PDE2A: variants seen among roughly 807,000 people sequenced by gnomAD.
The protein encoded by PDE2A is phosphodiesterase 2A.
In PDE2A, 53 loss-of-function variants were observed where a neutral mutation model predicts 133.6. The ratio of observed to expected loss-of-function variants is 0.40; its 90% CI spans 0.32 to 0.50. The LOEUF (loss-of-function observed/expected upper bound fraction) is 0.50, where lower values mean the gene tolerates loss of function less well. PDE2A is among the 20% of genes least tolerant of loss of function. The pLI, the probability that PDE2A is intolerant of heterozygous loss-of-function variation, is 0.73. For synonymous variants in PDE2A, 491 were observed against 490.2 expected (o/e 1.00, Z -0.02); for missense variants, 796 against 1,232.4 (o/e 0.65, Z 5.30).
At position 72,597,012 on chromosome 11, in the gene PDE2A, C is replaced by T. The variant is rs1856520472; in HGVS notation, c.434-364G>A. On this transcript the variant is annotated intron_variant, in intron 5 of 30. Coordinates refer to ENST00000334456, the MANE Select transcript of PDE2A (RefSeq NM_002599.5). This position sits in a 1 kb window ranked among gnomAD's most constrained non-coding sequence, Gnocchi z 4.6. ...ACAGCAAGTCAGGTCTCCTGACTCC[C>T]AGTCTTGTGCACTTTCCACATCGAG... 6.6e-6 allele frequency among the ~76,000 whole-genome samples: 1 copy of T among 152,112 alleles called. No homozygotes were observed. Among genetic ancestry groups the T allele is most frequent in the Admixed American group, 6.5e-5 (1 of 15,268 alleles).
At chr11:72,636,314 T>C (rs1285274501) in intron 2 of PDE2A, among the ~76,000 whole-genome samples, 1 of 152,268 alleles carries the variant, frequency 6.6e-6, no homozygotes, top group Non-Finnish European at 1.5e-5. Flanking sequence ...AGCATTTTCA[T>C]AAATTTACAT....
rs1332382144 is a variant in PDE2A, at chr11:72,663,605, T to C, written c.71+10532A>G. Reference sequence around the variant, plus strand: ...TTAGCCAGGCATGCTGGCAGGTGCCTGTGATCCCAGCTACTTGGGAGGCTG... The same window carrying C: ...TTAGCCAGGCATGCTGGCAGGTGCCCGTGATCCCAGCTACTTGGGAGGCTG... On this transcript the variant is annotated intron_variant, in intron 1 of 30. Transcript: ENST00000334456. Among the ~76,000 whole-genome samples, 5 of 152,066 alleles carry C rather than the reference T, an allele frequency of 3.3e-5. No homozygotes were observed. The East Asian group carries it at 9.7e-4, about 29-fold the overall frequency.
intron 13 of PDE2A, chr11:72,587,667 A>G (rs1337407593): frequency 2.6e-5 from 4 of 152,200 alleles, no homozygotes; most frequent in Non-Finnish European, 5.9e-5. Context: ...TGGCAACATT[A>G]AGTGCTCAAT....
intron 2 of PDE2A, among the ~76,000 whole-genome samples, chr11:72,628,237 C>T (rs1053574501): frequency 1.3e-5 from 2 of 152,226 alleles, no homozygotes; most frequent in Non-Finnish European, 2.9e-5. Context: ...AGGCCTGCGC[C>T]GGGCACCCCA....
Position 72,590,412 on chromosome 11 carries a change from A to G in PDE2A, c.703+15T>C. The G allele has an allele frequency of 6.3e-7, 1 of 1,576,138 alleles. No individual in the cohort carries two copies. The highest frequency in any genetic ancestry group is 8.6e-7 in the Non-Finnish European group (1 of 1,161,810). On this transcript the variant is annotated intron_variant, in intron 8 of 30. Coordinates refer to ENST00000334456, the MANE Select transcript of PDE2A (RefSeq NM_002599.5). This position sits in a 1 kb window ranked among gnomAD's most constrained non-coding sequence, Gnocchi z 4.8. The stretch of plus-strand genomic sequence containing the variant: ...CCGGCCCCGCCCTCGTGACCTGTCC[A>G]GGCCGGGCCCTCACCGCACAGTTGG...
chr11:72,662,269 G>A (rs989467876), intron 1 of PDE2A, among the ~76,000 whole-genome samples: 1 of 152,132 alleles, frequency 6.6e-6, no homozygotes, highest in African/African-American at 2.4e-5. Context: ...AAAATGAGTT[G>A]GCTGCCCAGG....
intron 4 of PDE2A, 23 bp downstream of exon 4, chr11:72,605,115 T>G: frequency 6.6e-7 from 1 of 1,507,164 alleles, no homozygotes; most frequent in Non-Finnish European, 9.2e-7. Flanking sequence ...AAGAGGGCAA[T>G]GGGGGTGCAG....
intron 1 of PDE2A, among the ~76,000 whole-genome samples, chr11:72,651,981 G>C (rs1854754242): frequency 6.6e-6 from 1 of 152,252 alleles, no homozygotes; most frequent in African/African-American, 2.4e-5. Flanking sequence ...TACGATGACA[G>C]AGTGGGGCCT....
rs1051839513 is a variant in PDE2A, at chr11:72,597,125, T to C, written c.433+385A>G. Among the ~76,000 whole-genome samples the C allele has an allele frequency of 1.3e-5, 2 of 151,284 alleles. No homozygotes were observed. The highest frequency in any genetic ancestry group is 6.6e-5 in the Admixed American group (1 of 15,204). On this transcript the variant is annotated intron_variant, in intron 5 of 30. Transcript: ENST00000334456. This position sits in a 1 kb window ranked among gnomAD's most constrained non-coding sequence, Gnocchi z 4.6. ...GCATGGAGGAGAAGAAAAAGAGAAATAGGGCCAATGACAGTGACAGAGAGA... is the reference window on the plus strand; with the variant it reads ...GCATGGAGGAGAAGAAAAAGAGAAACAGGGCCAATGACAGTGACAGAGAGA...
At position 72,590,185 on chromosome 11, in the gene PDE2A, G is replaced by C; in HGVS notation, c.756+7C>G. 2 of 1,548,508 alleles carry C rather than the reference G, an allele frequency of 1.3e-6. No individual in the cohort carries two copies. The highest frequency in any genetic ancestry group is 1.2e-5 in the South Asian group (1 of 83,944). The stretch of plus-strand genomic sequence containing the variant: ...GGGAGGTGGCCGGCAGGGGCGCAGG[G>C]ACTCACGTATTGGAGCACTTTGAGC... On this transcript the variant is annotated splice_region_variant and intron_variant, in intron 9 of 30. Coordinates refer to ENST00000334456, the MANE Select transcript of PDE2A (RefSeq NM_002599.5). This position sits in a 1 kb window ranked among gnomAD's most constrained non-coding sequence, Gnocchi z 4.8.
In PDE2A at chr11:72,633,823, C is replaced by T. The variant is rs117195947; in HGVS notation, c.144+8431G>A. On this transcript the variant is annotated intron_variant, in intron 2 of 30. Transcript: ENST00000334456. ...AAGGGCTGAGGAGAGAAGCCCCCTA[C>T]CGCATTTCTGTAGGTGCCTGTGTGC... Among the ~76,000 whole-genome samples the T allele has an allele frequency of 8.5e-5, 13 of 152,244 alleles. 1 individual carries two copies. The East Asian group carries it at 2.5e-3, about 29-fold the overall frequency.
chr11:72,617,548 C>T (rs1857536313), intron 2 of PDE2A, among the ~76,000 whole-genome samples: 1 of 152,236 alleles, frequency 6.6e-6, no homozygotes. Flanking sequence ...CTGCTTTGTC[C>T]TATGACTGTA....
intron 2 of PDE2A, among the ~76,000 whole-genome samples, chr11:72,631,790 C>T (rs889171757): frequency 2.6e-5 from 4 of 152,206 alleles, no homozygotes; most frequent in Non-Finnish European, 5.9e-5. Context: ...CACTCATTCT[C>T]CAGAAGCCCA....
chr11:72,636,761 G>A (rs115334887), intron 2 of PDE2A, among the ~76,000 whole-genome samples: 2,908 of 152,078 alleles, frequency 0.019, 73 homozygotes, highest in African/African-American at 0.067. Flanking sequence ...TCCCTGTCCA[G>A]GCCTCATCAC....
chr11:72,610,539 G>C (rs895296030), intron 2 of PDE2A, among the ~76,000 whole-genome samples: 3 of 152,124 alleles, frequency 2.0e-5, no homozygotes, highest in African/African-American at 7.2e-5. Context: ...GAGGGCAGTA[G>C]TGGGCCTTCT....
intron 3 of PDE2A, among the ~76,000 whole-genome samples, chr11:72,606,673 A>G (rs942587839): frequency 6.6e-6 from 1 of 152,156 alleles, no homozygotes; most frequent in African/African-American, 2.4e-5. Flanking sequence ...GGCTATATCT[A>G]GCCTCCTTGT....
intron 7 of PDE2A, 198 bp downstream of exon 7, chr11:72,591,099 G>C (rs1480556023): frequency 4.9e-6 from 3 of 609,212 alleles, no homozygotes; most frequent in Non-Finnish European, 8.9e-6. Flanking sequence ...TAGGTCAGTC[G>C]GTGCTATCAT....
chr11:72,672,597 C>T (rs536227041), intron 1 of PDE2A, among the ~76,000 whole-genome samples: 4 of 152,264 alleles, frequency 2.6e-5, no homozygotes, highest in African/African-American at 9.6e-5. Flanking sequence ...TCTTAAAGTT[C>T]TATTGAATGT....
intron 1 of PDE2A, 81 bp from the exon 2 acceptor site, chr11:72,642,407 G>T: frequency 7.8e-7 from 1 of 1,276,078 alleles, no homozygotes; most frequent in Non-Finnish European, 1.0e-6. Flanking sequence ...CCGCCGGCCC[G>T]GCCGCTGCGC....
Sources: allele counts gnomAD v4.1 joint callset (sites outside exome capture counted in the v4.1 genomes callset), GRCh38; gene constraint gnomAD v4.1.1; non-coding constraint Gnocchi (gnomAD v3.1); transcripts MANE v1.5; gene names NCBI Gene and HGNC (gene_info 2026-07-23, HGNC 2026-07-21).